Variants in NAALADL2 observed in about 807,000 individuals in gnomAD.
NAALADL2 encodes the protein inactive N-acetylated-alpha-linked acidic dipeptidase-like protein 2.
In NAALADL2, 76 loss-of-function variants were observed where a neutral mutation model predicts 87.2. The ratio of observed to expected loss-of-function variants is 0.87; its 90% CI spans 0.72 to 1.05. NAALADL2 has a LOEUF of 1.05. Among genes scored for constraint, NAALADL2 ranks in the 50% least tolerant of loss-of-function variants. The pLI is 0.00. For synonymous variants in NAALADL2, 354 were observed against 331.0 expected (o/e 1.07, Z -0.75); for missense variants, 1,089 against 945.8 (o/e 1.15, Z -1.99).
intron 3 of NAALADL2, among the ~76,000 whole-genome samples, chr3:174,816,564 A>G (rs1436610951): frequency 6.7e-6 from 1 of 149,024 alleles, no homozygotes; most frequent in Admixed American, 6.7e-5. Context: ...ATGTTATGTA[A>G]CATATATATA....
chr3:175,625,740 G>C (rs1338339083), intron 10 of NAALADL2, among the ~76,000 whole-genome samples: 1 of 151,960 alleles, frequency 6.6e-6, no homozygotes, highest in African/African-American at 2.4e-5. Context: ...TTCATGGTAT[G>C]ATCTTGGGCT....
intron 3 of NAALADL2, among the ~76,000 whole-genome samples, chr3:174,849,831 C>G (rs777891190): frequency 1.3e-5 from 2 of 151,296 alleles, no homozygotes; most frequent in African/African-American, 4.9e-5. Context: ...GCCACCTCCA[C>G]GTCTTGTCTT....
intron 12 of NAALADL2, 70 bp downstream of exon 12, chr3:175,737,469 G>A (rs1744651441): frequency 2.2e-6 from 2 of 922,932 alleles, no homozygotes; most frequent in Non-Finnish European, 1.8e-6. Flanking sequence ...ACAAGGAATG[G>A]ATGAAGTCAT....
intron 11 of NAALADL2, among the ~76,000 whole-genome samples, chr3:175,672,634 G>A (rs961763807): frequency 1.3e-5 from 2 of 152,134 alleles, no homozygotes; most frequent in Non-Finnish European, 2.9e-5. Context: ...TAAATCGGAA[G>A]TTTGAACTGA....
In NAALADL2 at chr3:175,512,972, G is replaced by GA. The variant is rs1010842276; in HGVS notation, c.1653+41221dup. Among the ~76,000 whole-genome samples, 8 of 152,112 alleles carry GA rather than the reference G, an allele frequency of 5.3e-5. No homozygotes were observed. In the East Asian group the frequency reaches 5.8e-4, roughly 11 times the overall value. On this transcript the variant is annotated intron_variant, in intron 9 of 13. Coordinates refer to ENST00000454872, the MANE Select transcript of NAALADL2 (RefSeq NM_207015.3). ...GACTTCCCTGTTTGCATTGCAGAGT[G>GA]AAAAAAACATATTCAGAAGCAACTT...
intron 2 of NAALADL2, among the ~76,000 whole-genome samples, chr3:174,663,513 C>T (rs1345173245): frequency 6.6e-6 from 1 of 152,028 alleles, no homozygotes; most frequent in Non-Finnish European, 1.5e-5. Flanking sequence ...GATGGCTTGT[C>T]ACAGGGTGAC....
chr3:174,465,397 A>G (rs1577967754), intron 1 of NAALADL2, among the ~76,000 whole-genome samples: 1 of 152,210 alleles, frequency 6.6e-6, no homozygotes. Flanking sequence ...CAGAGTTCGT[A>G]TTCACTTATG....
chr3:175,393,633 CTG>C (rs1467183517), intron 5 of NAALADL2, among the ~76,000 whole-genome samples: 2 of 152,086 alleles, frequency 1.3e-5, no homozygotes, highest in Admixed American at 6.6e-5. Context: ...TACTTTCTCT[CTG>C]GATTATTTGA....
At chr3:175,067,400 A>G (rs1662200359) in intron 1 of NAALADL2, among the ~76,000 whole-genome samples, 1 of 152,138 alleles carries the variant, frequency 6.6e-6, no homozygotes, top group Admixed American at 6.6e-5. Context: ...CTCAACAAGC[A>G]AACAACAACA....
At chr3:175,149,997 AAGG>A (rs1488711046) in intron 2 of NAALADL2, among the ~76,000 whole-genome samples, 2 of 152,126 alleles carry the variant, frequency 1.3e-5, no homozygotes, top group Non-Finnish European at 2.9e-5. Flanking sequence ...ATTTTGAGAG[AAGG>A]AGAAGTTGTC....
chr3:175,115,633 T>C (rs1724996067), intron 2 of NAALADL2, among the ~76,000 whole-genome samples: 1 of 151,704 alleles, frequency 6.6e-6, no homozygotes, highest in South Asian at 2.1e-4. Flanking sequence ...AAGTATTTGC[T>C]AGGCATATGG....
intron 2 of NAALADL2, among the ~76,000 whole-genome samples, chr3:174,691,784 T>C (rs940454566): frequency 6.6e-6 from 1 of 152,222 alleles, no homozygotes; most frequent in Non-Finnish European, 1.5e-5. Flanking sequence ...TCTTCTCTTG[T>C]TATTTCAACA....
At chr3:175,780,053 G>A (rs572912635) in intron 13 of NAALADL2, among the ~76,000 whole-genome samples, 92 of 151,916 alleles carry the variant, frequency 6.1e-4, no homozygotes, top group African/African-American at 2.1e-3. Context: ...CAGATCACGA[G>A]GTCAGTAGAT....
At chr3:174,723,939 C>T (rs1370021348) in intron 2 of NAALADL2, among the ~76,000 whole-genome samples, 1 of 151,926 alleles carries the variant, frequency 6.6e-6, no homozygotes, top group Admixed American at 6.6e-5. Flanking sequence ...AATATGCAAT[C>T]CCTTGATGAC....
chr3:174,808,682 A>C (rs1476572279), intron 3 of NAALADL2, among the ~76,000 whole-genome samples: 7 of 152,228 alleles, frequency 4.6e-5, no homozygotes, highest in African/African-American at 1.7e-4. Context: ...TTTCCCCTAG[A>C]GAGAAAAGTG....
At chr3:175,115,032 TG>T (rs1274383229) in intron 2 of NAALADL2, 2 of 151,696 alleles carry the variant, frequency 1.3e-5, no homozygotes, top group East Asian at 3.9e-4. Flanking sequence ...CTTATAAACT[TG>T]TTTTTAAATG....
At chr3:174,933,212 AATAATAAAGT>A (rs1439229104) in intron 1 of NAALADL2, among the ~76,000 whole-genome samples, 1 of 152,194 alleles carries the variant, frequency 6.6e-6, no homozygotes, top group Admixed American at 6.5e-5. Context: ...ATTTATACTG[AATAATAAAGT>A]AGCTTCTCCT....
intron 2 of NAALADL2, among the ~76,000 whole-genome samples, chr3:175,131,775 AC>A (rs531991632): frequency 2.2e-5 from 3 of 135,202 alleles, no homozygotes; most frequent in South Asian, 2.4e-4. Flanking sequence ...CAGGGGGCTG[AC>A]CCCCCCACCT....
intron 3 of NAALADL2, among the ~76,000 whole-genome samples, chr3:174,782,231 C>T (rs899323920): frequency 2.6e-5 from 4 of 152,094 alleles, no homozygotes; most frequent in African/African-American, 9.7e-5. Flanking sequence ...TACAAGGTTA[C>T]ATTTCAATCA....
Sources: allele counts gnomAD v4.1 joint callset (sites outside exome capture counted in the v4.1 genomes callset), GRCh38; gene constraint gnomAD v4.1.1; transcripts MANE v1.5; gene names NCBI Gene and HGNC (gene_info 2026-07-23, HGNC 2026-07-21).